Variants in SPOCK3 observed in about 807,000 individuals in gnomAD.
SPOCK3 encodes the protein SPARC (osteonectin), cwcv and kazal like domains proteoglycan 3, also known as testican-3.
Under a neutral mutation model 56.6 loss-of-function variants are expected in SPOCK3, and 30 were observed. That is an observed-to-expected ratio of 0.53 (90% CI 0.40 to 0.72). SPOCK3 has a LOEUF of 0.72. Ranked by LOEUF, SPOCK3 falls within the 30% of genes least tolerant of loss-of-function variation. SPOCK3 has a pLI of 0.00. For missense variants in SPOCK3, 527 were observed against 530.0 expected (o/e 0.99, Z 0.06); for synonymous variants, 196 against 183.3 (o/e 1.07, Z -0.56).
intron 4 of SPOCK3, among the ~76,000 whole-genome samples, chr4:166,957,604 G>T (rs1743639373): frequency 6.6e-6 from 1 of 152,128 alleles, no homozygotes. Context: ...AATATCTTGT[G>T]TATGCATCAC....
At chr4:167,090,232 C>T (rs185753357) in intron 2 of SPOCK3, among the ~76,000 whole-genome samples, 25 of 152,158 alleles carry the variant, frequency 1.6e-4, no homozygotes, top group Non-Finnish European at 1.3e-4. Context: ...ATTTTACATT[C>T]CCAGGGGTAA....
intron 2 of SPOCK3, among the ~76,000 whole-genome samples, chr4:167,192,194 A>G (rs34511069): frequency 0.046 from 6,707 of 145,192 alleles, 816 homozygotes; most frequent in Middle Eastern, 0.073. Context: ...GTATTTTTTG[A>G]ATATTTTGAC....
At chr4:166,911,265 C>A (rs1178846437) in intron 5 of SPOCK3, among the ~76,000 whole-genome samples, 1 of 147,726 alleles carries the variant, frequency 6.8e-6, no homozygotes, top group Non-Finnish European at 1.5e-5. Context: ...TATTTAGTGA[C>A]TGAATTAATT....
At chr4:167,092,795 G>T (rs1228684085) in intron 2 of SPOCK3, among the ~76,000 whole-genome samples, 2 of 152,030 alleles carry the variant, frequency 1.3e-5, no homozygotes, top group African/African-American at 2.4e-5. Context: ...CCATTCAAAG[G>T]CTTGAATGAA....
At chr4:167,171,764 A>T (rs1252893928) in intron 2 of SPOCK3, among the ~76,000 whole-genome samples, 1 of 152,104 alleles carries the variant, frequency 6.6e-6, no homozygotes, top group African/African-American at 2.4e-5. Context: ...TCCTTAACAT[A>T]AAGGAATTTC....
At chr4:166,837,235 T>C (rs1259952536) in intron 6 of SPOCK3, among the ~76,000 whole-genome samples, 1 of 152,216 alleles carries the variant, frequency 6.6e-6, no homozygotes, top group African/African-American at 2.4e-5. Context: ...CTGAGTAGTG[T>C]GAAGTTAGAC....
At chr4:167,195,192 G>T (rs931450064) in intron 2 of SPOCK3, among the ~76,000 whole-genome samples, 1 of 152,174 alleles carries the variant, frequency 6.6e-6, no homozygotes, top group Non-Finnish European at 1.5e-5. Flanking sequence ...TGGGTACTTG[G>T]GCAGGCAAGA....
At chr4:167,149,028 T>C (rs1764196888) in intron 2 of SPOCK3, among the ~76,000 whole-genome samples, 1 of 152,096 alleles carries the variant, frequency 6.6e-6, no homozygotes, top group Non-Finnish European at 1.5e-5. Context: ...AAAAGGAAAA[T>C]TTGGACATGT....
intron 5 of SPOCK3, 99 bp downstream of exon 5, chr4:166,912,521 A>G (rs1476319781): frequency 6.9e-6 from 8 of 1,158,266 alleles, no homozygotes; most frequent in Non-Finnish European, 1.0e-5. Context: ...AAGTTAAATG[A>G]ATAATTTGAA....
chr4:166,940,390 G>A (rs754680686), intron 4 of SPOCK3, among the ~76,000 whole-genome samples: 1 of 152,058 alleles, frequency 6.6e-6, no homozygotes, highest in African/African-American at 2.4e-5. Flanking sequence ...AAACAGATGT[G>A]GATGCTGCAT....
At chr4:166,737,650 T>C in intron 9 of SPOCK3, 46 bp from the exon 10 acceptor site, 1 of 1,565,530 alleles carries the variant, frequency 6.4e-7, no homozygotes, top group Non-Finnish European at 8.6e-7. Flanking sequence ...ATGTAGTTTA[T>C]GAATAAGCTG....
intron 2 of SPOCK3, among the ~76,000 whole-genome samples, chr4:167,140,635 C>CTT (rs1420942410): frequency 1.3e-5 from 2 of 152,006 alleles, no homozygotes; most frequent in Non-Finnish European, 2.9e-5. Flanking sequence ...TGTATCTATT[C>CTT]TCCTGATGAT....
intron 6 of SPOCK3, among the ~76,000 whole-genome samples, chr4:166,851,284 A>C (rs971678984): frequency 6.6e-6 from 1 of 152,190 alleles, no homozygotes; most frequent in African/African-American, 2.4e-5. Context: ...AAACTAACAA[A>C]CAGAAAGGAT....
chr4:167,181,744 A>G (rs1731473842), intron 2 of SPOCK3, among the ~76,000 whole-genome samples: 1 of 152,182 alleles, frequency 6.6e-6, no homozygotes, highest in Non-Finnish European at 1.5e-5. Flanking sequence ...TTTTGTTCCA[A>G]GCTATACTCA....
chr4:166,981,417 G>A (rs191862858), intron 4 of SPOCK3, among the ~76,000 whole-genome samples: 127 of 150,040 alleles, frequency 8.5e-4, no homozygotes, highest in Non-Finnish European at 5.5e-4. Flanking sequence ...CTCTCAGAGG[G>A]TAGGCGACCT....
At position 167,191,850 on chromosome 4, in the gene SPOCK3, C is replaced by T. The variant is rs535662390; in HGVS notation, c.189+42135G>A. On this transcript the variant is annotated intron_variant, in intron 2 of 10. Transcript: ENST00000357545. Reference sequence around the variant, plus strand: ...GAAGTGATAAAAGTGGTGATCCTCTCTTGTTCTTGATCTTAGGAAAAAAAC... The same window carrying T: ...GAAGTGATAAAAGTGGTGATCCTCTTTTGTTCTTGATCTTAGGAAAAAAAC... Among the ~76,000 whole-genome samples, 50 of 145,498 alleles carry T rather than the reference C, an allele frequency of 3.4e-4. 7 individuals are homozygous for T. Among genetic ancestry groups the T allele is most frequent in the African/African-American group, 1.2e-3 (46 of 38,238 alleles).
chr4:167,151,667 C>A (rs376265206), intron 2 of SPOCK3, among the ~76,000 whole-genome samples: 3 of 152,136 alleles, frequency 2.0e-5, no homozygotes. Context: ...GATCTCCTGA[C>A]CTCGTGATCC....
chr4:167,142,063 A>G (rs1490304138), intron 2 of SPOCK3, among the ~76,000 whole-genome samples: 1 of 152,048 alleles, frequency 6.6e-6, no homozygotes, highest in Non-Finnish European at 1.5e-5. Context: ...TTACCCTGCC[A>G]AAATCTAGAA....
intron 4 of SPOCK3, among the ~76,000 whole-genome samples, chr4:167,000,070 G>C (rs1049655155): frequency 3.9e-5 from 6 of 152,048 alleles, no homozygotes; most frequent in Admixed American, 1.3e-4. Flanking sequence ...CCTTAAACTT[G>C]AAAAAGCACA....
Sources: gnomAD v4.1 joint callset for allele counts (sites outside exome capture counted in the v4.1 genomes callset) on GRCh38, gnomAD v4.1.1 for gene constraint, MANE v1.5 for transcripts, NCBI Gene and HGNC (gene_info 2026-07-23, HGNC 2026-07-21) for gene names.